Variants in PJA2 observed in about 807,000 individuals in gnomAD.
PJA2 encodes the protein E3 ubiquitin-protein ligase Praja-2.
A neutral mutation model predicts 69.3 loss-of-function variants in PJA2; 25 were observed. The ratio of observed to expected loss-of-function variants is 0.36; its 90% CI spans 0.26 to 0.50. PJA2 has a LOEUF of 0.50. Ranked by LOEUF, PJA2 falls within the 20% of genes least tolerant of loss-of-function variation. The pLI, the probability that PJA2 is intolerant of heterozygous loss-of-function variation, is 0.96. For synonymous variants in PJA2, 308 were observed against 277.8 expected, an observed-to-expected ratio of 1.11 and a Z score of -1.08; for missense variants, 809 against 830.2, an observed-to-expected ratio of 0.97 and a Z score of 0.31.
chr5:109,344,458 A>G lies in PJA2; in HGVS notation c.1880-147T>C, dbSNP rs191727826. On this transcript the variant is annotated intron_variant, in intron 8 of 9. Transcript: ENST00000361189. Reference sequence around the variant, plus strand: ...TAATTGGCAGGCATTTCTGTCTAATACTTGGCAATTTGGAATCTAATAAAT... The same window carrying G: ...TAATTGGCAGGCATTTCTGTCTAATGCTTGGCAATTTGGAATCTAATAAAT... 2.4e-4 allele frequency: 211 copies of G among 887,216 alleles called. No individual in the cohort carries two copies. In the African/African-American group the frequency reaches 3.3e-3, roughly 14 times the overall value. The allele number at this position is 887,216 out of a possible 1,614,324, so 55.0% of individuals were successfully genotyped here. A position where few individuals can be genotyped will look rare whatever the true frequency, so the allele number is the denominator to read the frequency against.
At chr5:109,340,641 CCCCTCCCCCTCCCCCTCCCCCTCCCCCT>C (rs1561338640) in intron 9 of PJA2, among the ~76,000 whole-genome samples, 4 of 782 alleles carry the variant, frequency 5.1e-3, no homozygotes, top group Admixed American at 0.016. Context: ...CCTCCCCCTC[CCCCTCCCCCTCCCCCTCCCCCTCCCCCT>C]CCCTCTCCCC....
At chr5:109,400,605 C>G (rs1279866121) in intron 1 of PJA2, among the ~76,000 whole-genome samples, 2 of 151,986 alleles carry the variant, frequency 1.3e-5, no homozygotes, top group Admixed American at 6.6e-5. Context: ...GTGATTCCCC[C>G]CTACAAAAGC....
chr5:109,339,855 T>C (rs1762011937), intron 9 of PJA2, among the ~76,000 whole-genome samples: 2 of 152,230 alleles, frequency 1.3e-5, no homozygotes, highest in African/African-American at 4.8e-5. Context: ...AGCACAGCCA[T>C]CTAGGCTGTA....
In PJA2 at chr5:109,379,007, A is replaced by C; in HGVS notation, c.480T>G (p.Ile160Met). The change falls in exon 4 of 10, where the codon ATT (isoleucine) becomes ATG (methionine). Residue 160 changes from isoleucine to methionine, a missense_variant. Ile to Met is a conservative substitution (Grantham distance 10, BLOSUM62 1). Coordinates refer to ENST00000361189, the MANE Select transcript of PJA2 (RefSeq NM_014819.5). Reference protein sequence around the residue: ...ACSASSVQNGIALVHTDSYDP... With the variant: ...ACSASSVQNGMALVHTDSYDP... ...CATAAGAGTCTGTATGAACCAATGC[A>C]ATTCCATTTTGGACACTTGAAGCAC... The C allele has an allele frequency of 6.2e-7, 1 of 1,614,184 alleles. No individual in the cohort carries two copies. The highest frequency in any genetic ancestry group is 8.5e-7 in the Non-Finnish European group (1 of 1,180,020).
intron 1 of PJA2, among the ~76,000 whole-genome samples, chr5:109,397,241 C>T (rs956638755): frequency 2.0e-5 from 3 of 152,136 alleles, no homozygotes; most frequent in Non-Finnish European, 2.9e-5. Context: ...AATTTATTTT[C>T]TTTATAAATT....
In PJA2 at chr5:109,379,163, T is replaced by C. The variant is rs149060402; in HGVS notation, c.324A>G (p.Ala108=). The C allele has an allele frequency of 1.2e-4, 199 of 1,614,092 alleles. No homozygotes were observed. Among genetic ancestry groups the C allele is most frequent in the Non-Finnish European group, 1.6e-4 (191 of 1,179,978 alleles). ...SETEIPTCGS[A]LNQTTESSQS... ...GACTGCTCTCAGTGGTTTGATTCAATGCTGAACCACAAGTGGGAATTTCTG... is the reference window on the plus strand; with the variant it reads ...GACTGCTCTCAGTGGTTTGATTCAACGCTGAACCACAAGTGGGAATTTCTG... Residue 108 remains alanine (A), a synonymous_variant, in exon 4 of 10, where the codon GCA becomes GCG. Coordinates refer to ENST00000361189, the MANE Select transcript of PJA2 (RefSeq NM_014819.5).
chr5:109,368,448 A>G (rs1762621387), intron 5 of PJA2, 113 bp downstream of exon 5: 1 of 865,892 alleles, frequency 1.2e-6, no homozygotes, highest in South Asian at 2.3e-5. Flanking sequence ...AGGGGGGCCT[A>G]CTGGTTCTAC....
rs758042101 is a variant in PJA2 at position 109,378,507 on chromosome 5, A to C, written c.980T>G (p.Val327Gly). The change falls in exon 4 of 10, where the codon GTG becomes GGG. Residue 327 changes from valine (V) to glycine (G), a missense_variant. Around this residue, in one of 4 missense-constraint regions of PJA2, gnomAD observed 700 missense variants for 639.5 expected, o/e 1.09. Transcript: ENST00000361189. The part of the protein sequence containing the change: ...KVRKLISSSQ[V>G]DQETGFNRHE... ...CCTATTAAAACCTGTTTCTTGGTCC[A>C]CCTGGCTTGAACTTATCAGTTTTCT... The C allele has an allele frequency of 3.2e-5, 51 of 1,614,016 alleles. No individual in the cohort carries two copies. The highest frequency in any genetic ancestry group is 3.6e-5 in the Non-Finnish European group (43 of 1,180,028).
Position 109,368,755 on chromosome 5 carries a change from C to A in PJA2, c.1284-9G>T. ...CATCACTGCATTCAGAACTGCAAATCAGAAGAGAAATAAACTATCATAATG... is the reference window on the plus strand; with the variant it reads ...CATCACTGCATTCAGAACTGCAAATAAGAAGAGAAATAAACTATCATAATG... On this transcript the variant is annotated splice_polypyrimidine_tract_variant and intron_variant, in intron 4 of 9. Coordinates refer to ENST00000361189, the MANE Select transcript of PJA2 (RefSeq NM_014819.5). The A allele has an allele frequency of 1.2e-6, 2 of 1,607,064 alleles. No homozygotes were observed. The highest frequency in any genetic ancestry group is 1.7e-6 in the Non-Finnish European group (2 of 1,177,358).
chr5:109,404,644 T>A (rs1747640070), intron 1 of PJA2, among the ~76,000 whole-genome samples: 2 of 152,220 alleles, frequency 1.3e-5, no homozygotes, highest in African/African-American at 4.8e-5. Context: ...ACTGCAGTTT[T>A]TTCACTGTGT....
intron 3 of PJA2, among the ~76,000 whole-genome samples, chr5:109,380,824 GAACGCCAGGCATGGT>G: frequency 1.2e-5 from 1 of 85,080 alleles, no homozygotes; most frequent in East Asian, 2.4e-4. Flanking sequence ...AAAAAAAAAA[GAACGCCAGGCATGGT>G]GACTCACACC....
rs1357001384 is a variant in PJA2, at chr5:109,340,850, C to T, written c.2001+3340G>A. ...GGAGATGGGGTTTCGCTGTGTTGGC[C>T]GGGCCGGTCTCCAGCCCCTAACCGC... is the stretch of plus-strand genomic sequence containing the variant. On this transcript the variant is annotated intron_variant, in intron 9 of 9. Transcript: ENST00000361189. Among the ~76,000 whole-genome samples the T allele has an allele frequency of 7.8e-5, 8 of 102,080 alleles. No individual in the cohort carries two copies. In the East Asian group the frequency reaches 1.2e-3, roughly 15 times the overall value. The allele number at this position is 102,080 out of a possible 152,430, so 67.0% of individuals were successfully genotyped here. A position where few individuals can be genotyped will look rare whatever the true frequency, so the allele number is the denominator to read the frequency against.
At chr5:109,393,227 A>G (rs1161276414) in intron 1 of PJA2, among the ~76,000 whole-genome samples, 2 of 152,204 alleles carry the variant, frequency 1.3e-5, no homozygotes, top group African/African-American at 4.8e-5. Context: ...GCTAAGAAAC[A>G]TATGAAAAGG....
Position 109,368,608 on chromosome 5 carries a change from A to G in PJA2, c.1422T>C (p.Asp474=). 1.2e-6 allele frequency: 2 copies of G among 1,614,130 alleles called. No homozygotes were observed. Among genetic ancestry groups the G allele is most frequent in the Non-Finnish European group, 1.7e-6 (2 of 1,180,006 alleles). ...GGTTTTCTTCTTCAGGGCCACTGCT[A>G]TCACTTTGTAGCTCAGGTTCATTCT... The part of the protein sequence containing the change: ...KDENEPELQS[D]SSGPEEENQE... The change falls in exon 5 of 10, where the codon GAT becomes GAC. Residue 474 remains aspartate, a synonymous_variant. Transcript: ENST00000361189.
chr5:109,339,883 A>T (rs1275266998), intron 9 of PJA2, among the ~76,000 whole-genome samples: 1 of 152,236 alleles, frequency 6.6e-6, no homozygotes, highest in African/African-American at 2.4e-5. Flanking sequence ...AATGCCAGAT[A>T]AACAGATTAA....
At chr5:109,360,414 T>A (rs917480404) in intron 6 of PJA2, among the ~76,000 whole-genome samples, 9 of 152,052 alleles carry the variant, frequency 5.9e-5, no homozygotes, top group Admixed American at 2.6e-4. Flanking sequence ...TCCTTTAAAC[T>A]AAATTAAGGA....
At chr5:109,376,851 A>G (rs1450250704) in intron 4 of PJA2, among the ~76,000 whole-genome samples, 1 of 152,174 alleles carries the variant, frequency 6.6e-6, no homozygotes, top group East Asian at 1.9e-4. Context: ...GGCCACACAC[A>G]GTAATCAAAC....
intron 7 of PJA2, among the ~76,000 whole-genome samples, chr5:109,350,950 C>T (rs1762240600): frequency 6.6e-6 from 1 of 152,138 alleles, no homozygotes; most frequent in African/African-American, 2.4e-5. Context: ...TGCAGTATAT[C>T]ATGCTGGTTC....
At chr5:109,395,815 G>A (rs1251923353) in intron 1 of PJA2, among the ~76,000 whole-genome samples, 2 of 151,824 alleles carry the variant, frequency 1.3e-5, no homozygotes, top group Non-Finnish European at 1.5e-5. Context: ...CCTGACTAAC[G>A]TGGTGAAACC....
Sources: allele counts gnomAD v4.1 joint callset (sites outside exome capture counted in the v4.1 genomes callset), GRCh38; gene constraint gnomAD v4.1.1; regional missense constraint gnomAD v4.1.1; transcripts MANE v1.5; gene names NCBI Gene and HGNC (gene_info 2026-07-23, HGNC 2026-07-21).